STAU2: variants seen among roughly 807,000 people sequenced by gnomAD.
STAU2 encodes staufen double-stranded RNA binding protein 2.
STAU2 carries 20 observed loss-of-function variants against 65.9 expected under a neutral mutation model. The ratio of observed to expected loss-of-function variants is 0.30; its 90% confidence interval spans 0.21 to 0.44. The LOEUF (loss-of-function observed/expected upper bound fraction) is 0.44. STAU2 is among the 20% of genes least tolerant of loss of function. The probability of loss-of-function intolerance (pLI) is 1.00; values close to 1 mark genes in which losing one functional copy is unlikely to be tolerated. For synonymous variants in STAU2, 232 were observed against 233.9 expected (o/e 0.99, Z 0.07); for missense variants, 558 against 683.9 (o/e 0.82, Z 2.05).
intron 9 of STAU2, among the ~76,000 whole-genome samples, chr8:73,611,439 T>C (rs1309645287): frequency 6.6e-6 from 1 of 152,178 alleles, no homozygotes; most frequent in Non-Finnish European, 1.5e-5. Flanking sequence ...TGCTGAGATC[T>C]GAATGATGCA....
At chr8:73,736,348 T>C (rs781120590) in intron 3 of STAU2, among the ~76,000 whole-genome samples, 3 of 152,228 alleles carry the variant, frequency 2.0e-5, no homozygotes, top group Non-Finnish European at 4.4e-5. Context: ...TTACATTGTT[T>C]ATTCTAGGAC....
chr8:73,614,866 T>C (rs1224545215), intron 8 of STAU2, among the ~76,000 whole-genome samples: 1 of 152,174 alleles, frequency 6.6e-6, no homozygotes, highest in East Asian at 1.9e-4. Context: ...TCTCCCTGAC[T>C]TCCTCATTTT....
chr8:73,587,580 A>C (rs1171706028), intron 11 of STAU2, among the ~76,000 whole-genome samples: 1 of 152,222 alleles, frequency 6.6e-6, no homozygotes, highest in Non-Finnish European at 1.5e-5. Context: ...CTTGACTGGT[A>C]AAGACTTTGG....
At chr8:73,435,912 G>A (rs1025360316) in intron 13 of STAU2, among the ~76,000 whole-genome samples, 1 of 151,626 alleles carries the variant, frequency 6.6e-6, no homozygotes, top group South Asian at 2.1e-4. Context: ...GAGGAGCCTG[G>A]GTCTGTAGGG....
intron 3 of STAU2, among the ~76,000 whole-genome samples, chr8:73,722,969 G>C (rs184046823): frequency 5.3e-4 from 80 of 152,114 alleles, no homozygotes; most frequent in Non-Finnish European, 2.9e-4. Flanking sequence ...ATAAAAACAA[G>C]TAAGATAATT....
At chr8:73,686,932 G>A (rs1474656211) in intron 5 of STAU2, among the ~76,000 whole-genome samples, 13 of 145,678 alleles carry the variant, frequency 8.9e-5, no homozygotes, top group Admixed American at 2.8e-4. Context: ...TTGCTCTGTC[G>A]CCCAGGCTGG....
intron 13 of STAU2, among the ~76,000 whole-genome samples, chr8:73,488,077 A>G (rs547308027): frequency 3.9e-5 from 6 of 152,188 alleles, no homozygotes; most frequent in Admixed American, 1.3e-4. Flanking sequence ...AATGTTAGGG[A>G]ATATATGTGT....
chr8:73,435,129 T>C (rs1817599150), intron 13 of STAU2, among the ~76,000 whole-genome samples: 2 of 151,906 alleles, frequency 1.3e-5, no homozygotes, highest in Admixed American at 6.5e-5. Flanking sequence ...CTGAGGTTGG[T>C]CTGCCCACTG....
chr8:73,583,765 A>T (rs1025092782), intron 11 of STAU2, among the ~76,000 whole-genome samples: 7 of 152,224 alleles, frequency 4.6e-5, no homozygotes, highest in Non-Finnish European at 7.3e-5. Flanking sequence ...TAAGCAAAAC[A>T]TGTAATATTC....
chr8:73,733,530 A>G (rs1806220634), intron 3 of STAU2, among the ~76,000 whole-genome samples: 1 of 152,214 alleles, frequency 6.6e-6, no homozygotes, highest in African/African-American at 2.4e-5. Context: ...TACCCCAGAA[A>G]CCAGTATACT....
intron 9 of STAU2, among the ~76,000 whole-genome samples, chr8:73,612,228 TATTA>T (rs1812528515): frequency 6.6e-6 from 1 of 152,240 alleles, no homozygotes; most frequent in Admixed American, 6.5e-5. Context: ...ATGTGTTATT[TATTA>T]TAGTATTTGC....
intron 12 of STAU2, among the ~76,000 whole-genome samples, chr8:73,569,189 G>A (rs1808850329): frequency 2.6e-5 from 4 of 152,062 alleles, no homozygotes. Context: ...AGGGTCCCAT[G>A]CCTACAGAGC....
intron 11 of STAU2, among the ~76,000 whole-genome samples, chr8:73,587,917 T>C (rs532688059): frequency 1.3e-5 from 2 of 152,292 alleles, no homozygotes; most frequent in African/African-American, 4.8e-5. Context: ...CCTTTTTATA[T>C]ATGTATTATT....
intron 13 of STAU2, among the ~76,000 whole-genome samples, chr8:73,509,213 T>C (rs1822243753): frequency 6.6e-6 from 1 of 152,198 alleles, no homozygotes; most frequent in Non-Finnish European, 1.5e-5. Flanking sequence ...TGGTATGTTA[T>C]CGTGATTTTA....
chr8:73,533,784 G>C (rs942160208), intron 13 of STAU2, among the ~76,000 whole-genome samples: 1 of 152,158 alleles, frequency 6.6e-6, no homozygotes, highest in Non-Finnish European at 1.5e-5. Flanking sequence ...TGCTAGGTGT[G>C]TGAATTTTTT....
chr8:73,566,698 C>T (rs752630945), intron 12 of STAU2, among the ~76,000 whole-genome samples: 18 of 152,182 alleles, frequency 1.2e-4, no homozygotes, highest in East Asian at 7.7e-4. Flanking sequence ...TCTTTAGACC[C>T]GTTATAAAAT....
At chr8:73,494,424 T>C (rs1339634518) in intron 13 of STAU2, among the ~76,000 whole-genome samples, 1 of 151,778 alleles carries the variant, frequency 6.6e-6, no homozygotes, top group South Asian at 2.1e-4. Context: ...TGTGCATGCA[T>C]GATTGCAAGT....
intron 13 of STAU2, among the ~76,000 whole-genome samples, chr8:73,478,768 C>T (rs188473775): frequency 7.9e-5 from 12 of 151,922 alleles, no homozygotes; most frequent in Admixed American, 7.9e-4. Context: ...CTTCACCCCC[C>T]AAAAATCATT....
At position 73,632,448 on chromosome 8, in the gene STAU2, G is replaced by T. The variant is rs73686869; in HGVS notation, c.411-14997C>A. Among the ~76,000 whole-genome samples the T allele has an allele frequency of 8.7e-3, 1,319 of 152,252 alleles. 11 individuals are homozygous for T. The highest frequency in any genetic ancestry group is 0.03 in the African/African-American group (1,244 of 41,556). The stretch of plus-strand genomic sequence containing the variant: ...TGAGACCCACATGGGAGTAAAGAAA[G>T]AATGCATCTTAAGCAAATTTTACTT... On this transcript the variant is annotated intron_variant, in intron 6 of 14. Transcript: ENST00000524300.
Sources: gnomAD v4.1 joint callset for allele counts (sites outside exome capture counted in the v4.1 genomes callset) on GRCh38, gnomAD v4.1.1 for gene constraint, MANE v1.5 for transcripts, NCBI Gene and HGNC (gene_info 2026-07-23, HGNC 2026-07-21) for gene names.